The following ADGB variants were observed in gnomAD, a reference collection of about 807,000 sequenced individuals.
The protein encoded by ADGB is androglobin, also known as calpain-7-like protein.
ADGB carries 172 observed loss-of-function variants against 210.5 expected under a neutral mutation model. The ratio of observed to expected loss-of-function variants is 0.82; its 90% confidence interval spans 0.72 to 0.93. The LOEUF is 0.93. Among genes scored for constraint, ADGB ranks in the 40% least tolerant of loss-of-function variants. The pLI is 0.00. For missense variants in ADGB, 2,025 were observed against 1,964.8 expected, an observed-to-expected ratio of 1.03 and a Z score of -0.58; for synonymous variants, 658 against 662.7, an observed-to-expected ratio of 0.99 and a Z score of 0.11.
intron 16 of ADGB, among the ~76,000 whole-genome samples, chr6:146,721,099 T>C (rs1342839532): frequency 6.6e-6 from 1 of 152,138 alleles, no homozygotes; most frequent in Admixed American, 6.6e-5. Flanking sequence ...CTCGGCCTCT[T>C]CTCTTTCTCA....
At chr6:146,657,523 A>C (rs73785197) in intron 5 of ADGB, among the ~76,000 whole-genome samples, 1 of 152,184 alleles carries the variant, frequency 6.6e-6, no homozygotes, top group Non-Finnish European at 1.5e-5. Context: ...TGTCAGTCCC[A>C]TGGGCACTTT....
At chr6:146,641,324 C>G (rs1403391750) in intron 2 of ADGB, among the ~76,000 whole-genome samples, 2 of 151,742 alleles carry the variant, frequency 1.3e-5, no homozygotes, top group Non-Finnish European at 2.9e-5. Context: ...CTATACTGCC[C>G]AAAGCAATGT....
chr6:146,715,175 TA>T (rs1296767409), intron 13 of ADGB, among the ~76,000 whole-genome samples: 2 of 152,246 alleles, frequency 1.3e-5, no homozygotes, highest in African/African-American at 4.8e-5. Context: ...GTGACAAGCT[TA>T]AATACTCAGT....
chr6:146,738,192 ATAAAT>A (rs1260951686), intron 23 of ADGB, among the ~76,000 whole-genome samples: 2 of 152,170 alleles, frequency 1.3e-5, no homozygotes, highest in African/African-American at 4.8e-5. Context: ...ATCTGTAAAG[ATAAAT>A]TAAGGTAGAC....
intron 35 of ADGB, among the ~76,000 whole-genome samples, chr6:146,809,646 T>C (rs1246536111): frequency 6.6e-6 from 1 of 152,142 alleles, no homozygotes; most frequent in Admixed American, 6.6e-5. Context: ...ACATCCAGCT[T>C]AAAAATATTT....
At chr6:146,685,351 A>T (rs1419845879) in intron 9 of ADGB, among the ~76,000 whole-genome samples, 1 of 152,038 alleles carries the variant, frequency 6.6e-6, no homozygotes. Flanking sequence ...TGTAAGTTCA[A>T]CATAGAATAA....
intron 32 of ADGB, among the ~76,000 whole-genome samples, chr6:146,786,548 C>A (rs539087296): frequency 6.6e-6 from 1 of 152,270 alleles, no homozygotes. Flanking sequence ...ATAGGCAAAG[C>A]ATTTTACATT....
At chr6:146,697,976 C>T (rs1201597499) in intron 12 of ADGB, among the ~76,000 whole-genome samples, 12 of 152,204 alleles carry the variant, frequency 7.9e-5, no homozygotes, top group Admixed American at 7.9e-4. Flanking sequence ...AAGTCTGGTA[C>T]ACAAATTACG....
chr6:146,599,234 A>C, intron 1 of ADGB, 120 bp downstream of exon 1: 2 of 870,018 alleles, frequency 2.3e-6, no homozygotes, highest in Non-Finnish European at 3.8e-6. Context: ...GCCTCCTCGC[A>C]GCTTGTCTTC....
At chr6:146,694,010 C>G (rs960804200) in intron 12 of ADGB, among the ~76,000 whole-genome samples, 6 of 152,176 alleles carry the variant, frequency 3.9e-5, no homozygotes, top group African/African-American at 1.2e-4. Context: ...GAGGCTTTCT[C>G]TATAGCTCTC....
chr6:146,615,853 G>T (rs904653185), intron 1 of ADGB, among the ~76,000 whole-genome samples: 1 of 152,162 alleles, frequency 6.6e-6, no homozygotes, highest in African/African-American at 2.4e-5. Flanking sequence ...TGGCTACTGT[G>T]AATAGTGCTG....
In ADGB at chr6:146,656,757, T is replaced by A. The variant is rs967937160; in HGVS notation, c.403-14T>A. On this transcript the variant is annotated splice_polypyrimidine_tract_variant and intron_variant, in intron 4 of 35. Transcript: ENST00000397944. The stretch of plus-strand genomic sequence containing the variant: ...GAAAAATAACCAATTAACCCTAATG[T>A]TTTTTATCTCTAGCTGATGAGATGG... 1 of 1,497,488 alleles carries A rather than the reference T, an allele frequency of 6.7e-7. No individual in the cohort carries two copies. Among genetic ancestry groups the A allele is most frequent in the Non-Finnish European group, 8.9e-7 (1 of 1,118,386 alleles). 92.8% of individuals were successfully genotyped at this position (1,497,488 alleles called of 1,614,324 possible).
intron 35 of ADGB, among the ~76,000 whole-genome samples, chr6:146,811,207 T>C (rs1290066023): frequency 1.3e-5 from 2 of 152,138 alleles, no homozygotes; most frequent in Non-Finnish European, 2.9e-5. Context: ...TTCATTCATC[T>C]CATATGCTCA....
Position 146,740,552 on chromosome 6 carries a change from T to G in ADGB, c.2982T>G (p.Thr994=). 1 of 1,550,946 alleles carries G rather than the reference T, an allele frequency of 6.4e-7. No homozygotes were observed. The highest frequency in any genetic ancestry group is 1.2e-5 in the South Asian group (1 of 83,958). ...TKIAFADYTV[T]YQEQPPNSWF... The stretch of plus-strand genomic sequence containing the variant: ...TTGCTTTTGCAGATTATACTGTGAC[T>G]TATCAAGAACAGCCACCAAATTCTT... The change falls in exon 24 of 36, where the codon ACT becomes ACG. Residue 994 remains threonine (T), a synonymous_variant. Transcript: ENST00000397944.
chr6:146,696,479 C>T (rs1322147421), intron 12 of ADGB, among the ~76,000 whole-genome samples: 4 of 151,872 alleles, frequency 2.6e-5, no homozygotes, highest in Non-Finnish European at 5.9e-5. Context: ...AATGAGCCCC[C>T]TTATTCCAAG....
chr6:146,748,124 AT>A (rs1777268685), intron 26 of ADGB, among the ~76,000 whole-genome samples: 1 of 152,034 alleles, frequency 6.6e-6, no homozygotes, highest in Non-Finnish European at 1.5e-5. Flanking sequence ...TTAGAACTAT[AT>A]TATTTTAAAA....
intron 32 of ADGB, among the ~76,000 whole-genome samples, chr6:146,787,960 C>T (rs1400749315): frequency 6.6e-6 from 1 of 152,138 alleles, no homozygotes; most frequent in Non-Finnish European, 1.5e-5. Context: ...CAAGAAAGAG[C>T]TCTGTTCAGC....
chr6:146,761,873 G>A (rs984846164), intron 27 of ADGB, among the ~76,000 whole-genome samples: 2 of 152,092 alleles, frequency 1.3e-5, no homozygotes, highest in Non-Finnish European at 2.9e-5. Flanking sequence ...CTCTAGGAGA[G>A]AATCCTTCCT....
chr6:146,740,638 A>C, intron 24 of ADGB, 45 bp downstream of exon 24: 1 of 1,526,758 alleles, frequency 6.5e-7, no homozygotes, highest in South Asian at 1.2e-5. Flanking sequence ...AATGGCTTGC[A>C]ATATCTGTAT....
Sources: gnomAD v4.1 joint callset for allele counts (sites outside exome capture counted in the v4.1 genomes callset) on GRCh38, gnomAD v4.1.1 for gene constraint, MANE v1.5 for transcripts, NCBI Gene and HGNC (gene_info 2026-07-23, HGNC 2026-07-21) for gene names.